ZNF430: variants seen among roughly 807,000 people sequenced by gnomAD.
ZNF430 encodes the protein zinc finger protein 430.
A neutral mutation model predicts 56.7 loss-of-function variants in ZNF430; 35 were observed. The observed-to-expected ratio is 0.62, with a 90% CI of 0.47 to 0.82. The LOEUF is 0.82. Among genes scored for constraint, ZNF430 ranks in the 40% least tolerant of loss-of-function variants. ZNF430 has a pLI of 0.00. For synonymous variants in ZNF430, 212 were observed against 224.3 expected (o/e 0.94, Z 0.49); for missense variants, 574 against 661.0 (o/e 0.87, Z 1.44).
At chr19:21,054,333 G>C (rs1344768922) in intron 4 of ZNF430, among the ~76,000 whole-genome samples, 3 of 151,534 alleles carry the variant, frequency 2.0e-5, no homozygotes, top group Non-Finnish European at 4.4e-5. Context: ...AGAGCATACG[G>C]AGTACCAATG....
At chr19:21,039,814 C>T (rs1049426415) in intron 4 of ZNF430, among the ~76,000 whole-genome samples, 59 of 151,988 alleles carry the variant, frequency 3.9e-4, no homozygotes, top group African/African-American at 1.2e-3. Flanking sequence ...TCAGAAAACA[C>T]ACAGTGTATG....
At chr19:21,048,677 C>T (rs1270848487) in intron 4 of ZNF430, among the ~76,000 whole-genome samples, 7 of 152,066 alleles carry the variant, frequency 4.6e-5, no homozygotes, top group Admixed American at 1.3e-4. Flanking sequence ...CATCATGGCC[C>T]GTTCTCAATG....
In ZNF430 at chr19:21,022,808, T is replaced by C; in HGVS notation, c.23T>C (p.Val8Ala). ...CCATAGGAGAACCTGAAGTCTGGAG[T>C]GTATCCTCTCAAGGAAGCAAGTGGA... MENLKSG[V>A]YPLKEASGCP... The change falls in exon 2 of 5, where the codon GTG becomes GCG. Residue 8 changes from valine (V) to alanine (A), a missense_variant. Coordinates refer to ENST00000261560, the MANE Select transcript of ZNF430 (RefSeq NM_025189.4). The C allele has an allele frequency of 6.2e-7, 1 of 1,613,368 alleles. No homozygotes were observed. The highest frequency in any genetic ancestry group is 8.5e-7 in the Non-Finnish European group (1 of 1,179,418).
intron 4 of ZNF430, among the ~76,000 whole-genome samples, chr19:21,049,815 CTT>C (rs1223359969): frequency 1.3e-5 from 2 of 151,866 alleles, no homozygotes; most frequent in African/African-American, 4.8e-5. Context: ...AGTAAAATAA[CTT>C]TGAATTAAAT....
At chr19:21,049,677 T>C (rs147777470) in intron 4 of ZNF430, 1 of 152,362 alleles carries the variant, frequency 6.6e-6, no homozygotes, top group African/African-American at 2.4e-5. Flanking sequence ...ACATTTCTTG[T>C]TACATTTCGT....
chr19:21,055,434 G>T (rs112169235), intron 4 of ZNF430, among the ~76,000 whole-genome samples: 6,536 of 142,962 alleles, frequency 0.046, 449 homozygotes, highest in African/African-American at 0.16. Context: ...TCTTTTTTTA[G>T]TTTTTTTTTT....
intron 4 of ZNF430, among the ~76,000 whole-genome samples, chr19:21,037,759 A>C (rs1226413792): frequency 6.6e-6 from 1 of 152,152 alleles, no homozygotes; most frequent in East Asian, 1.9e-4. Flanking sequence ...AATAATTTAT[A>C]GTGGCCATTG....
At position 21,057,266 on chromosome 19, in the gene ZNF430, G is replaced by A. The variant is rs1457722868; in HGVS notation, c.958G>A (p.Glu320Lys). 7.4e-6 allele frequency: 12 copies of A among 1,613,202 alleles called. No individual in the cohort carries two copies. Among genetic ancestry groups the A allele is most frequent in the Non-Finnish European group, 9.3e-6 (11 of 1,179,896 alleles). Reference sequence around the variant, plus strand: ...TACTGGAGAGAAACCCTACAGATGTGAAGAATGTGGCAGAGCTTTTAACCG... The same window carrying A: ...TACTGGAGAGAAACCCTACAGATGTAAAGAATGTGGCAGAGCTTTTAACCG... ...IHTGEKPYRC[E>K]ECGRAFNRSS... The change falls in exon 5 of 5, where the codon GAA (glutamate) becomes AAA (lysine). Residue 320 changes from glutamate (E) to lysine (K), a missense_variant. Around this residue, in one of 3 missense-constraint regions of ZNF430, gnomAD observed 346 missense variants for 399.1 expected, o/e 0.87. Transcript: ENST00000261560.
chr19:21,025,959 T>TA, intron 2 of ZNF430: 2 of 419,240 alleles, frequency 4.8e-6, no homozygotes, highest in Non-Finnish European at 4.5e-6. Context: ...GAGTGATCCA[T>TA]AAACCTGGTC....
intron 1 of ZNF430, 73 bp from the exon 2 acceptor site, chr19:21,022,716 C>T: frequency 8.9e-7 from 1 of 1,120,404 alleles, no homozygotes. Flanking sequence ...GGGGATAAAC[C>T]AAGATATCCG....
intron 4 of ZNF430, among the ~76,000 whole-genome samples, chr19:21,055,130 T>G (rs1968351764): frequency 6.6e-6 from 1 of 151,830 alleles, no homozygotes; most frequent in South Asian, 2.1e-4. Flanking sequence ...TGAGTATTAT[T>G]CAATTTGTTT....
Position 21,056,808 on chromosome 19 carries a change from A to G in ZNF430, c.500A>G (p.Gln167Arg). The G allele has an allele frequency of 6.2e-7, 1 of 1,614,010 alleles. No individual in the cohort carries two copies. Among genetic ancestry groups the G allele is most frequent in the Admixed American group, 1.7e-5 (1 of 60,006 alleles). The change falls in exon 5 of 5, where the codon CAG becomes CGG. Residue 167 changes from glutamine (Q) to arginine (R), a missense_variant. Around this residue, in one of 3 missense-constraint regions of ZNF430, gnomAD observed 346 missense variants for 399.1 expected, o/e 0.87. Transcript: ENST00000261560. ...LHKECYDELN[Q>R]CLTTTQSEIF... ...AAAGAATGTTATGATGAACTAAACCAGTGTTTGACAACTACCCAGAGTGAA... is the reference window on the plus strand; with the variant it reads ...AAAGAATGTTATGATGAACTAAACCGGTGTTTGACAACTACCCAGAGTGAA...
chr19:21,021,423 T>C, intron 1 of ZNF430, among the ~76,000 whole-genome samples: 1 of 151,746 alleles, frequency 6.6e-6, no homozygotes, highest in East Asian at 1.9e-4. Flanking sequence ...CACTTGAACC[T>C]GGGAGGTGGA....
In ZNF430 at chr19:21,056,793, A is replaced by G; in HGVS notation, c.485A>G (p.Tyr162Cys). Reference protein sequence around the residue: ...VDECNLHKECYDELNQCLTTT... With the variant: ...VDECNLHKECCDELNQCLTTT... ...GAGTGTAATCTGCACAAAGAATGTT[A>G]TGATGAACTAAACCAGTGTTTGACA... is the stretch of plus-strand genomic sequence containing the variant. The change falls in exon 5 of 5, where the codon TAT becomes TGT. Residue 162 changes from tyrosine to cysteine, a missense_variant. Transcript: ENST00000261560. 6.2e-7 allele frequency: 1 copy of G among 1,613,990 alleles called. No homozygotes were observed. The highest frequency in any genetic ancestry group is 2.2e-5 in the East Asian group (1 of 44,846).
rs758992996 is a variant in ZNF430 at position 21,059,700 on chromosome 19, AC to A, written c.*1680del. The stretch of plus-strand genomic sequence containing the variant: ...TTTTTGTAAATAATGATGTAATTCA[AC>A]TCTCAAAATATTTCCTACTGTTTCT... On this transcript the variant is annotated 3_prime_UTR_variant, in exon 5 of 5. Transcript: ENST00000261560. The A allele has an allele frequency of 2.6e-5, 4 of 151,910 alleles. No homozygotes were observed. Among genetic ancestry groups the A allele is most frequent in the Non-Finnish European group, 4.4e-5 (3 of 67,988 alleles). 9.4% of individuals were successfully genotyped at this position (151,910 alleles called of 1,614,324 possible). A position where few individuals can be genotyped will look rare whatever the true frequency, so the allele number is the denominator to read the frequency against.
chr19:21,022,175 G>A (rs997828031), intron 1 of ZNF430, among the ~76,000 whole-genome samples: 2 of 152,058 alleles, frequency 1.3e-5, no homozygotes, highest in South Asian at 2.1e-4. Flanking sequence ...CCAGGGTCTA[G>A]AGACACCTCA....
intron 4 of ZNF430, among the ~76,000 whole-genome samples, chr19:21,055,185 G>GA (rs1968352943): frequency 6.6e-6 from 1 of 151,656 alleles, no homozygotes; most frequent in Non-Finnish European, 1.5e-5. Context: ...GTTTCTCTCT[G>GA]AAACTTTTAT....
rs113608335 is a variant in ZNF430 at position 21,021,678 on chromosome 19, C to G, written c.3+875C>G. Among the ~76,000 whole-genome samples, 1,426 of 151,998 alleles carry G rather than the reference C, an allele frequency of 9.4e-3. 9 individuals are homozygous for G. The highest frequency in any genetic ancestry group is 0.015 in the Non-Finnish European group (995 of 67,990). ...GCCAAATTCAGTAATTGGTTAGGTA[C>G]CGTTATGTAGTTTCTTAGTTTGTAC... On this transcript the variant is annotated intron_variant, in intron 1 of 4. Coordinates refer to ENST00000261560, the MANE Select transcript of ZNF430 (RefSeq NM_025189.4).
intron 2 of ZNF430, among the ~76,000 whole-genome samples, chr19:21,024,776 T>G (rs1967761953): frequency 6.7e-6 from 1 of 149,230 alleles, no homozygotes; most frequent in Non-Finnish European, 1.5e-5. Flanking sequence ...CCAGATTCCA[T>G]CTTAAAAAAA....
Sources: gnomAD v4.1 joint callset for allele counts (sites outside exome capture counted in the v4.1 genomes callset) on GRCh38, gnomAD v4.1.1 for gene constraint, gnomAD v4.1.1 regional missense constraint, MANE v1.5 for transcripts, NCBI Gene and HGNC (gene_info 2026-07-23, HGNC 2026-07-21) for gene names.